FSHR: variants seen among roughly 807,000 people sequenced by gnomAD.
FSHR encodes follicle-stimulating hormone receptor.
In FSHR, 46 loss-of-function variants were observed where a neutral mutation model predicts 52.1. That is an observed-to-expected ratio of 0.88 (90% CI 0.70 to 1.13). The LOEUF (loss-of-function observed/expected upper bound fraction) is 1.13. Ranked by LOEUF, FSHR falls within the 50% of genes most tolerant of loss-of-function variation. FSHR has a pLI of 0.00. For missense variants in FSHR, 964 were observed against 834.6 expected, an observed-to-expected ratio of 1.16 and a Z score of -1.91; for synonymous variants, 399 against 309.6, an observed-to-expected ratio of 1.29 and a Z score of -3.03.
intron 1 of FSHR, among the ~76,000 whole-genome samples, chr2:49,112,284 T>C (rs1671450252): frequency 6.6e-6 from 1 of 152,186 alleles, no homozygotes. Flanking sequence ...ATGCCATTTT[T>C]TTCCCTAGTA....
At chr2:49,061,713 T>A (rs1043088921) in intron 2 of FSHR, among the ~76,000 whole-genome samples, 1 of 141,268 alleles carries the variant, frequency 7.1e-6, no homozygotes, top group African/African-American at 2.6e-5. Flanking sequence ...ATATTATATA[T>A]AACTATATAT....
intron 2 of FSHR, among the ~76,000 whole-genome samples, chr2:49,063,644 G>A (rs528889146): frequency 3.9e-4 from 60 of 152,218 alleles, no homozygotes; most frequent in African/African-American, 1.4e-3. Flanking sequence ...GCAGAGAGTA[G>A]AATAGTGGTT....
chr2:48,963,372 G>A lies in FSHR; in HGVS notation c.1449C>T (p.Leu483=). ...HAMQLDCKVQ[L]RHAASVMVMG... ...TCACCATGACACTGGCAGCATGGCG[G>A]AGCTGCACCTTGCAGTCCAGCTGCA... is the stretch of plus-strand genomic sequence containing the variant. Residue 483 remains leucine (L), a synonymous_variant, in exon 10 of 10, where the codon CTC becomes CTT. Transcript: ENST00000406846. 6.2e-7 allele frequency: 1 copy of A among 1,614,024 alleles called. No individual in the cohort carries two copies. The highest frequency in any genetic ancestry group is 1.7e-5 in the Admixed American group (1 of 59,998).
intron 1 of FSHR, among the ~76,000 whole-genome samples, chr2:49,087,686 A>G (rs1281609209): frequency 2.0e-5 from 3 of 152,208 alleles, no homozygotes; most frequent in African/African-American, 7.2e-5. Context: ...ACATATGCAT[A>G]GTTGGGTGGT....
intron 4 of FSHR, among the ~76,000 whole-genome samples, chr2:48,994,970 A>G (rs959597341): frequency 3.9e-5 from 6 of 152,126 alleles, no homozygotes; most frequent in African/African-American, 1.4e-4. Context: ...GGGTCCTGTA[A>G]TTGCTGGGAA....
chr2:48,979,522 C>G (rs568826374), intron 8 of FSHR, among the ~76,000 whole-genome samples: 16 of 152,088 alleles, frequency 1.1e-4, no homozygotes, highest in Non-Finnish European at 1.9e-4. Context: ...GGCTCATAGC[C>G]GAGTCTACTC....
intron 1 of FSHR, 64 bp from the exon 2 acceptor site, chr2:49,068,354 G>A (rs1226170511): frequency 1.5e-6 from 2 of 1,328,548 alleles, no homozygotes; most frequent in South Asian, 1.2e-5. Flanking sequence ...AGTTGCTAAT[G>A]TATTCATATC....
At chr2:49,133,368 T>G (rs1357487281) in intron 1 of FSHR, among the ~76,000 whole-genome samples, 1 of 152,004 alleles carries the variant, frequency 6.6e-6, no homozygotes, top group East Asian at 1.9e-4. Flanking sequence ...AGTTATAAGA[T>G]CTCAAGCTAC....
intron 1 of FSHR, among the ~76,000 whole-genome samples, chr2:49,087,070 G>GTTTTTTTTTTTTTTTTTTTTTTTTTT (rs56890721): frequency 1.2e-5 from 1 of 86,728 alleles, no homozygotes. Flanking sequence ...TGTGGGCAGG[G>GTTTTTTTTTTTTTTTTTTTTTTTTTT]TTTTTTTTTT....
chr2:48,999,583 T>C (rs1390150680), intron 4 of FSHR, among the ~76,000 whole-genome samples: 3 of 152,116 alleles, frequency 2.0e-5, no homozygotes, highest in African/African-American at 7.2e-5. Flanking sequence ...AAGAGGGCCT[T>C]AGACTCCGTA....
intron 1 of FSHR, among the ~76,000 whole-genome samples, chr2:49,078,936 A>G (rs1395059932): frequency 1.3e-5 from 2 of 152,146 alleles, no homozygotes; most frequent in African/African-American, 2.4e-5. Context: ...TGAAAAAGAT[A>G]TGTCAGAATT....
At chr2:49,058,460 T>C (rs1669149970) in intron 2 of FSHR, among the ~76,000 whole-genome samples, 1 of 151,986 alleles carries the variant, frequency 6.6e-6, no homozygotes, top group African/African-American at 2.4e-5. Context: ...GGCAGGGGAA[T>C]CGCTGGAACC....
chr2:49,060,446 C>CCT (rs1425814286), intron 2 of FSHR, among the ~76,000 whole-genome samples: 1 of 152,104 alleles, frequency 6.6e-6, no homozygotes, highest in Non-Finnish European at 1.5e-5. Flanking sequence ...GCCCTGCATC[C>CCT]CAGGAAATGA....
At chr2:49,096,451 G>C (rs184440403) in intron 1 of FSHR, among the ~76,000 whole-genome samples, 1 of 152,212 alleles carries the variant, frequency 6.6e-6, no homozygotes, top group Non-Finnish European at 1.5e-5. Flanking sequence ...CATTGGCTAG[G>C]GGGAGAAGGA....
intron 1 of FSHR, among the ~76,000 whole-genome samples, chr2:49,094,268 A>G (rs1413565528): frequency 1.3e-5 from 2 of 152,160 alleles, no homozygotes. Context: ...TCCATGTTGT[A>G]ATTGTCATAG....
chr2:49,016,913 A>G (rs904820041), intron 4 of FSHR, among the ~76,000 whole-genome samples: 2 of 152,220 alleles, frequency 1.3e-5, no homozygotes, highest in Non-Finnish European at 2.9e-5. Flanking sequence ...GGGTCCCATT[A>G]TAACACTCAT....
intron 1 of FSHR, among the ~76,000 whole-genome samples, chr2:49,127,939 C>T (rs1280145958): frequency 2.9e-5 from 4 of 140,044 alleles, no homozygotes; most frequent in African/African-American, 1.1e-4. Context: ...GTTCCCTAGG[C>T]TGGAGTGCAG....
intron 2 of FSHR, among the ~76,000 whole-genome samples, chr2:49,043,544 T>C (rs1382560545): frequency 6.6e-6 from 1 of 152,326 alleles, no homozygotes; most frequent in East Asian, 1.9e-4. Flanking sequence ...TCAATGACAC[T>C]AAGCAGTTTT....
intron 2 of FSHR, among the ~76,000 whole-genome samples, chr2:49,056,896 C>T (rs1669086225): frequency 6.6e-6 from 1 of 151,918 alleles, no homozygotes; most frequent in African/African-American, 2.4e-5. Flanking sequence ...GGAAATTAAA[C>T]AGCACATTTC....
Sources: gnomAD v4.1 joint callset for allele counts (sites outside exome capture counted in the v4.1 genomes callset) on GRCh38, gnomAD v4.1.1 for gene constraint, MANE v1.5 for transcripts, NCBI Gene and HGNC (gene_info 2026-07-23, HGNC 2026-07-21) for gene names.